Variants in IGSF3 observed in about 807,000 individuals in gnomAD.
IGSF3 encodes the protein glu-Trp-Ile EWI motif-containing protein 3.
In IGSF3, 23 loss-of-function variants were observed where a neutral mutation model predicts 114.4. That is an observed-to-expected ratio of 0.20 (90% CI 0.14 to 0.28). The LOEUF (loss-of-function observed/expected upper bound fraction) is 0.28. Among genes scored for constraint, IGSF3 ranks in the 10% least tolerant of loss-of-function variants. The pLI is 1.00. For missense variants in IGSF3, 1,172 were observed against 1,591.5 expected, an observed-to-expected ratio of 0.74 and a Z score of 4.48; for synonymous variants, 571 against 645.2, an observed-to-expected ratio of 0.88 and a Z score of 1.74.
At position 116,603,595 on chromosome 1, in the gene IGSF3, A is replaced by T; in HGVS notation, c.1624+29T>A. On this transcript the variant is annotated intron_variant, in intron 6 of 10. Transcript: ENST00000369486. The surrounding 1 kb of genome is among the most constrained non-coding windows in gnomAD (Gnocchi z 7.1). ...GACACTGAAGCTGTCTCCATGCCAG[A>T]CCCACTGCCAGTCCCACCGCTCACT... The T allele has an allele frequency of 6.2e-7, 1 of 1,600,672 alleles. No individual in the cohort carries two copies. Among genetic ancestry groups the T allele is most frequent in the Non-Finnish European group, 8.5e-7 (1 of 1,171,582 alleles).
chr1:116,593,272 G>C lies in IGSF3; in HGVS notation c.2030-4168C>G, dbSNP rs1230633499. On this transcript the variant is annotated intron_variant, in intron 7 of 10. Transcript: ENST00000369486. This position sits in a 1 kb window ranked among gnomAD's most constrained non-coding sequence, Gnocchi z 4.5. ...CCAATTGATTCTGATGCACATTCAA[G>C]TTTGAGAAGCAACAGCCGTGCTGCT... 3.3e-5 allele frequency among the ~76,000 whole-genome samples: 5 copies of C among 152,352 alleles called. No individual in the cohort carries two copies. The Middle Eastern group carries it at 0.014, about 415-fold the overall frequency.
intron 2 of IGSF3, among the ~76,000 whole-genome samples, chr1:116,622,875 A>G (rs1450618006): frequency 6.6e-6 from 1 of 152,270 alleles, no homozygotes; most frequent in Non-Finnish European, 1.5e-5. Context: ...AGTGAGAAGT[A>G]ATAAAGCACT....
chr1:116,633,571 G>A lies in IGSF3; in HGVS notation c.44-17114C>T, dbSNP rs1414883234. 2.0e-5 allele frequency among the ~76,000 whole-genome samples: 3 copies of A among 152,124 alleles called. No homozygotes were observed. Among genetic ancestry groups the A allele is most frequent in the Non-Finnish European group, 4.4e-5 (3 of 68,028 alleles). ...GCCATGGAAAGGTGCATGTAAGTGA[G>A]AGAACAAAAAATTTCACAATCATGG... On this transcript the variant is annotated intron_variant, in intron 2 of 10. Transcript: ENST00000369486. The surrounding 1 kb of genome is among the most constrained non-coding windows in gnomAD (Gnocchi z 4.3).
At chr1:116,619,217 A>G (rs1313258793) in intron 2 of IGSF3, among the ~76,000 whole-genome samples, 1 of 152,228 alleles carries the variant, frequency 6.6e-6, no homozygotes, top group Non-Finnish European at 1.5e-5. Flanking sequence ...TCCCCAGTGC[A>G]AAAGAAAACA....
At position 116,662,496 on chromosome 1, in the gene IGSF3, A is replaced by G. The variant is rs1649158233; in HGVS notation, c.43+3788T>C. 6.6e-6 allele frequency among the ~76,000 whole-genome samples: 1 copy of G among 152,204 alleles called. No individual in the cohort carries two copies. Among genetic ancestry groups the G allele is most frequent in the Admixed American group, 6.5e-5 (1 of 15,286 alleles). On this transcript the variant is annotated intron_variant, in intron 2 of 10. Transcript: ENST00000369486. This position sits in a 1 kb window ranked among gnomAD's most constrained non-coding sequence, Gnocchi z 4.3. ...ATATAGTTGGGTCACAGTAAGGGCT[A>G]GAGTTAGGAGAGCTGGTATTACTGC...
chr1:116,604,222 A>T (rs1389009046), intron 5 of IGSF3, among the ~76,000 whole-genome samples, 197 bp from the exon 6 acceptor site: 3 of 152,162 alleles, frequency 2.0e-5, no homozygotes. Context: ...TTTAGATCTG[A>T]TAATCTAGGA....
At chr1:116,645,718 C>T (rs1648337596) in intron 2 of IGSF3, among the ~76,000 whole-genome samples, 1 of 152,232 alleles carries the variant, frequency 6.6e-6, no homozygotes, top group Admixed American at 6.5e-5. Context: ...ACAGAGCAAG[C>T]AACACATAGG....
At chr1:116,620,622 G>T (rs1387243191) in intron 2 of IGSF3, among the ~76,000 whole-genome samples, 1 of 152,114 alleles carries the variant, frequency 6.6e-6, no homozygotes, top group Non-Finnish European at 1.5e-5. Flanking sequence ...CAGCCATATG[G>T]GGAAGACCAC....
chr1:116,643,148 A>T (rs1204837674), intron 2 of IGSF3, among the ~76,000 whole-genome samples: 3 of 152,210 alleles, frequency 2.0e-5, no homozygotes, highest in Non-Finnish European at 2.9e-5. Flanking sequence ...ACAATGTGAC[A>T]GGTATCAATA....
Position 116,616,241 on chromosome 1 carries a change from C to T in IGSF3, c.260G>A (p.Arg87His), listed in dbSNP as rs758511371. 12 of 1,613,078 alleles carry T rather than the reference C, an allele frequency of 7.4e-6. No homozygotes were observed. Among genetic ancestry groups the T allele is most frequent in the East Asian group, 2.2e-5 (1 of 44,900 alleles). The part of the protein sequence containing the change: ...SSFPYAIYTQ[R>H]VRGGKIFIER... ...TATGAAGATCTTCCCTCCGCGGACG[C>T]GCTGGGTGTAGATGGCATAGGGGAA... The change falls in exon 3 of 11, where the codon CGC becomes CAC. Residue 87 changes from arginine (R) to histidine (H), a missense_variant. This residue lies in a region of IGSF3 where 736 missense variants were observed against 1,042.0 expected (regional missense o/e 0.71). Coordinates refer to ENST00000369486, the MANE Select transcript of IGSF3 (RefSeq NM_001007237.3). This position sits in a 1 kb window ranked among gnomAD's most constrained non-coding sequence, Gnocchi z 6.6.
chr1:116,630,595 T>C (rs1478742423), intron 2 of IGSF3, among the ~76,000 whole-genome samples: 5 of 152,094 alleles, frequency 3.3e-5, no homozygotes, highest in Admixed American at 3.3e-4. Flanking sequence ...ATTCCAAAAA[T>C]ATATATGGTG....
chr1:116,635,178 G>A (rs1647770752), intron 2 of IGSF3, among the ~76,000 whole-genome samples: 1 of 152,244 alleles, frequency 6.6e-6, no homozygotes, highest in Non-Finnish European at 1.5e-5. Flanking sequence ...AATCCCAAAT[G>A]TCTAGGCCCC....
In IGSF3 at chr1:116,593,349, G is replaced by A. The variant is rs144765658; in HGVS notation, c.2030-4245C>T. Among the ~76,000 whole-genome samples, 23 of 152,358 alleles carry A rather than the reference G, an allele frequency of 1.5e-4. No individual in the cohort carries two copies. The East Asian group carries it at 3.9e-3, about 26-fold the overall frequency. On this transcript the variant is annotated intron_variant, in intron 7 of 10. Transcript: ENST00000369486. The surrounding 1 kb of genome is among the most constrained non-coding windows in gnomAD (Gnocchi z 4.5). ...AGGTGGTTTCTGTGCAGTGCTGTGA[G>A]CAGCAGCCAGAGTGGCACGTGCAAA...
chr1:116,589,165 C>T lies in IGSF3; in HGVS notation c.2030-61G>A. On this transcript the variant is annotated intron_variant, in intron 7 of 10. Transcript: ENST00000369486. This position sits in a 1 kb window ranked among gnomAD's most constrained non-coding sequence, Gnocchi z 5.7. ...ACTCCCAGAAACGTGGCCCATCCAC[C>T]TCCAGGCTCTGAGCCAGGTTTCCTC... The T allele has an allele frequency of 2.0e-6, 3 of 1,501,368 alleles. No individual in the cohort carries two copies. Among genetic ancestry groups the T allele is most frequent in the Non-Finnish European group, 2.7e-6 (3 of 1,098,370 alleles). The allele number at this position is 1,501,368 out of a possible 1,614,324, so 93.0% of individuals were successfully genotyped here.
rs1374557237 is a variant in IGSF3 at position 116,614,228 on chromosome 1, A to T, written c.422-53T>A. On this transcript the variant is annotated intron_variant, in intron 3 of 10. Coordinates refer to ENST00000369486, the MANE Select transcript of IGSF3 (RefSeq NM_001007237.3). The surrounding 1 kb of genome is among the most constrained non-coding windows in gnomAD (Gnocchi z 4.5). ...CAGTCACAAAGCCACAGAATCTGAG[A>T]CTCCCAGGGCTAAGCTCCCATTCCA... is the stretch of plus-strand genomic sequence containing the variant. 1.4e-6 allele frequency: 2 copies of T among 1,479,016 alleles called. No individual in the cohort carries two copies. Among genetic ancestry groups the T allele is most frequent in the Non-Finnish European group, 1.9e-6 (2 of 1,067,286 alleles). The allele number at this position is 1,479,016 out of a possible 1,614,324, so 91.6% of individuals were successfully genotyped here. A position where few individuals can be genotyped will look rare whatever the true frequency, so the allele number is the denominator to read the frequency against.
At chr1:116,656,293 CTTTTTTTTTTTTTT>C (rs56148691) in intron 2 of IGSF3, among the ~76,000 whole-genome samples, 12 of 62,438 alleles carry the variant, frequency 1.9e-4, no homozygotes, top group African/African-American at 4.6e-4. Flanking sequence ...TTTCTACATT[CTTTTTTTTTTTTTT>C]TTTTTTTTTT....
chr1:116,656,663 G>A (rs953626665), intron 2 of IGSF3, among the ~76,000 whole-genome samples: 32 of 152,144 alleles, frequency 2.1e-4, no homozygotes, highest in Non-Finnish European at 2.9e-4. Flanking sequence ...AGTGGCTCAC[G>A]CCTGTAATCC....
intron 2 of IGSF3, among the ~76,000 whole-genome samples, chr1:116,631,471 T>TC (rs1282745253): frequency 1.3e-5 from 2 of 152,120 alleles, no homozygotes; most frequent in African/African-American, 4.8e-5. Flanking sequence ...GGCAGAAGAT[T>TC]CCTTCATGGT....
At position 116,647,938 on chromosome 1, in the gene IGSF3, T is replaced by C. The variant is rs1648469734; in HGVS notation, c.43+18346A>G. 6.6e-6 allele frequency among the ~76,000 whole-genome samples: 1 copy of C among 152,168 alleles called. No homozygotes were observed. Among genetic ancestry groups the C allele is most frequent in the Non-Finnish European group, 1.5e-5 (1 of 68,030 alleles). ...GGCCAACATGAAGAAACCCCATCTC[T>C]ACTACAAATACAAAAATTAGCTGGG... On this transcript the variant is annotated intron_variant, in intron 2 of 10. Transcript: ENST00000369486. The surrounding 1 kb of genome is among the most constrained non-coding windows in gnomAD (Gnocchi z 4.6).
Sources: gnomAD v4.1 joint callset for allele counts (sites outside exome capture counted in the v4.1 genomes callset) on GRCh38, gnomAD v4.1.1 for gene constraint, gnomAD v4.1.1 regional missense constraint, Gnocchi (gnomAD v3.1) non-coding constraint, MANE v1.5 for transcripts, NCBI Gene and HGNC (gene_info 2026-07-23, HGNC 2026-07-21) for gene names.